The following FAM171A1 variants were observed in gnomAD, a reference collection of about 807,000 sequenced individuals.
FAM171A1 encodes family with sequence similarity 171 member A1, also known as protein FAM171A1.
Under a neutral mutation model 74.9 loss-of-function variants are expected in FAM171A1, and 23 were observed. The observed-to-expected ratio is 0.31, with a 90% CI of 0.22 to 0.44. The LOEUF is 0.44. FAM171A1 is among the 20% of genes least tolerant of loss of function. The probability of loss-of-function intolerance (pLI) is 1.00; values close to 1 mark genes in which losing one functional copy is unlikely to be tolerated. For missense variants in FAM171A1, 1,162 were observed against 1,159.2 expected (o/e 1.00, Z -0.03); for synonymous variants, 527 against 505.7 (o/e 1.04, Z -0.57).
intron 1 of FAM171A1, among the ~76,000 whole-genome samples, chr10:15,322,420 T>C (rs550200719): frequency 1.3e-5 from 2 of 152,330 alleles, no homozygotes; most frequent in African/African-American, 4.8e-5. Flanking sequence ...TTACATAAAA[T>C]AGTCTGCAGA....
chr10:15,330,454 GT>G (rs1240153231), intron 1 of FAM171A1, among the ~76,000 whole-genome samples: 1 of 152,152 alleles, frequency 6.6e-6, no homozygotes, highest in East Asian at 1.9e-4. Flanking sequence ...AAAAGCAGAT[GT>G]GACAGTCAAG....
intron 3 of FAM171A1, among the ~76,000 whole-genome samples, chr10:15,275,376 T>TC (rs1371712404): frequency 6.6e-6 from 1 of 150,562 alleles, no homozygotes; most frequent in Admixed American, 6.7e-5. Flanking sequence ...AACCTCCACC[T>TC]CCCAGGTTTA....
chr10:15,322,942 C>T (rs4750621), intron 1 of FAM171A1, among the ~76,000 whole-genome samples: 35,165 of 151,652 alleles, frequency 0.23, 4,278 homozygotes, highest in Non-Finnish European at 0.27. Flanking sequence ...GAGTTCGAGA[C>T]CAGCCTGGCC....
At chr10:15,242,859 T>C (rs1223525516) in intron 5 of FAM171A1, among the ~76,000 whole-genome samples, 1 of 152,182 alleles carries the variant, frequency 6.6e-6, no homozygotes, top group Admixed American at 6.5e-5. Flanking sequence ...CATGGTTATT[T>C]TTTCAGAGAG....
At chr10:15,283,532 C>T (rs1834996519) in intron 2 of FAM171A1, among the ~76,000 whole-genome samples, 1 of 152,110 alleles carries the variant, frequency 6.6e-6, no homozygotes, top group Non-Finnish European at 1.5e-5. Context: ...AATGCAAATT[C>T]CCCTCCCCAT....
intron 1 of FAM171A1, among the ~76,000 whole-genome samples, chr10:15,293,048 T>A (rs1216968525): frequency 6.6e-6 from 1 of 152,242 alleles, no homozygotes; most frequent in Non-Finnish European, 1.5e-5. Flanking sequence ...AATTATAACA[T>A]GCTCATAACT....
At chr10:15,254,991 C>G in intron 3 of FAM171A1, 112 bp from the exon 4 acceptor site, 1 of 929,370 alleles carries the variant, frequency 1.1e-6, no homozygotes. Flanking sequence ...CCACCCTGCT[C>G]CCTCTCACAA....
Position 15,214,571 on chromosome 10 carries a change from G to A in FAM171A1, c.1017C>T (p.His339=), listed in dbSNP as rs761417979. 5 of 1,610,622 alleles carry A rather than the reference G, an allele frequency of 3.1e-6. No individual in the cohort carries two copies. The African/African-American group carries it at 5.3e-5, about 17-fold the overall frequency. Residue 339 remains histidine (H), a synonymous_variant, in exon 8 of 8, where the codon CAC becomes CAT. Coordinates refer to ENST00000378116, the MANE Select transcript of FAM171A1 (RefSeq NM_001010924.2). ...GTCCTGCAGGGAGCTGCAGTTTTCT[G>A]TGGTGCTGACGAGGTTTCAAGCACT... The part of the protein sequence containing the change: ...RRKCLKPRQH[H]RKLQLPAGLE...
chr10:15,291,227 A>T (rs866142361), intron 1 of FAM171A1, among the ~76,000 whole-genome samples: 5 of 152,176 alleles, frequency 3.3e-5, no homozygotes, highest in African/African-American at 4.8e-5. Context: ...AATTCAATTT[A>T]TAACTGTGAG....
At chr10:15,306,129 G>C (rs1835291498) in intron 1 of FAM171A1, among the ~76,000 whole-genome samples, 1 of 152,204 alleles carries the variant, frequency 6.6e-6, no homozygotes, top group Non-Finnish European at 1.5e-5. Flanking sequence ...TATGTTTCTT[G>C]CTGGGGCAAG....
intron 1 of FAM171A1, among the ~76,000 whole-genome samples, chr10:15,330,793 C>A (rs1341881457): frequency 1.4e-4 from 20 of 142,818 alleles, no homozygotes; most frequent in African/African-American, 5.2e-4. Flanking sequence ...TCTTGGCTCA[C>A]TGTAACCTCC....
intron 5 of FAM171A1, among the ~76,000 whole-genome samples, chr10:15,233,618 C>T (rs973790899): frequency 4.0e-5 from 6 of 151,202 alleles, no homozygotes; most frequent in African/African-American, 9.7e-5. Flanking sequence ...AAAAGAACCA[C>T]GATGGCCTGG....
intron 1 of FAM171A1, among the ~76,000 whole-genome samples, chr10:15,339,520 T>C (rs1481731987): frequency 1.3e-5 from 2 of 152,196 alleles, no homozygotes. Context: ...GTTTTGTTTA[T>C]GATTTGACAT....
chr10:15,265,581 A>G (rs1392463819), intron 3 of FAM171A1, among the ~76,000 whole-genome samples: 7 of 67,212 alleles, frequency 1.0e-4, no homozygotes, highest in South Asian at 8.4e-4. Context: ...TGCCTCTGAA[A>G]AAAAAAAAAA....
intron 1 of FAM171A1, among the ~76,000 whole-genome samples, chr10:15,343,860 G>GC (rs1421275702): frequency 3.9e-5 from 6 of 152,176 alleles, no homozygotes; most frequent in Non-Finnish European, 5.9e-5. Context: ...CCAGGCTTGG[G>GC]CCCCAAAAGG....
At chr10:15,331,416 C>G (rs1238224590) in intron 1 of FAM171A1, among the ~76,000 whole-genome samples, 1 of 152,108 alleles carries the variant, frequency 6.6e-6, no homozygotes, top group Non-Finnish European at 1.5e-5. Flanking sequence ...ACTACCTGGC[C>G]TCTCCTGGAC....
chr10:15,314,652 A>G (rs1158684091), intron 1 of FAM171A1, among the ~76,000 whole-genome samples: 2 of 152,134 alleles, frequency 1.3e-5, no homozygotes, highest in African/African-American at 2.4e-5. Context: ...TCTGCATCCT[A>G]TTATTTCGGG....
chr10:15,290,464 C>T (rs926362074), intron 1 of FAM171A1, among the ~76,000 whole-genome samples: 5 of 152,184 alleles, frequency 3.3e-5, no homozygotes, highest in African/African-American at 1.2e-4. Context: ...CTCAGCAACC[C>T]TGCATTTCCC....
At chr10:15,323,707 C>A (rs933015749) in intron 1 of FAM171A1, among the ~76,000 whole-genome samples, 4 of 152,084 alleles carry the variant, frequency 2.6e-5, no homozygotes, top group Non-Finnish European at 5.9e-5. Flanking sequence ...ACAATCAGAA[C>A]AGTTTTGTGA....
Sources: allele counts gnomAD v4.1 joint callset (sites outside exome capture counted in the v4.1 genomes callset), GRCh38; gene constraint gnomAD v4.1.1; transcripts MANE v1.5; gene names NCBI Gene and HGNC (gene_info 2026-07-23, HGNC 2026-07-21).